Variants in SYT3 observed in about 807,000 individuals in gnomAD.
SYT3 encodes the protein synaptotagmin-3.
SYT3 carries 25 observed loss-of-function variants against 50.6 expected under a neutral mutation model. That is an observed-to-expected ratio of 0.49 (90% CI 0.36 to 0.69). SYT3 has a LOEUF of 0.69. SYT3 is among the 30% of genes least tolerant of loss of function. The pLI is 0.00. For missense variants in SYT3, 589 were observed against 793.6 expected, an observed-to-expected ratio of 0.74 and a Z score of 3.10; for synonymous variants, 323 against 353.9, an observed-to-expected ratio of 0.91 and a Z score of 0.98.
Position 50,632,237 on chromosome 19 carries a change from G to A in SYT3, c.674+49C>T. On this transcript the variant is annotated intron_variant, in intron 4 of 10. Coordinates refer to ENST00000600079, the MANE Select transcript of SYT3 (RefSeq NM_001160329.2). This position sits in a 1 kb window ranked among gnomAD's most constrained non-coding sequence, Gnocchi z 4.7. Reference sequence around the variant, plus strand: ...GCTATAGATAGGAAAGAGACACAGAGGAGGAGCAGAAGTTCAGAGTGGACC... The same window carrying A: ...GCTATAGATAGGAAAGAGACACAGAAGAGGAGCAGAAGTTCAGAGTGGACC... 2 of 1,504,288 alleles carry A rather than the reference G, an allele frequency of 1.3e-6. No homozygotes were observed. Among genetic ancestry groups the A allele is most frequent in the Non-Finnish European group, 8.9e-7 (1 of 1,120,460 alleles). The allele number at this position is 1,504,288 out of a possible 1,614,324, so 93.2% of individuals were successfully genotyped here.
chr19:50,641,722 T>C (rs3925176), upstream of SYT3, among the ~76,000 whole-genome samples: 5 of 152,152 alleles, frequency 3.3e-5, no homozygotes, highest in East Asian at 9.8e-4. Context: ...GATGCATGCC[T>C]GTAGTCCTAG....
chr19:50,625,787 T>TGC lies in SYT3; in HGVS notation c.1402+109_1402+110insGC. On this transcript the variant is annotated intron_variant, in intron 7 of 10. Transcript: ENST00000600079. This position sits in a 1 kb window ranked among gnomAD's most constrained non-coding sequence, Gnocchi z 7.5. ...CCTCCCTCAGACCCAGGAGTCCAGA[T>TGC]CCCCAGCTCCTCCTCCCTCAGACCC... The TGC allele has an allele frequency of 6.4e-5, 10 of 155,248 alleles. 3 individuals are homozygous for TGC. Among genetic ancestry groups the TGC allele is most frequent in the Non-Finnish European group, 9.6e-5 (7 of 72,732 alleles). The allele number at this position is 155,248 out of a possible 1,614,324, so 9.6% of individuals were successfully genotyped here.
the SYT3 span, chr19:50,657,907 A>C: frequency 7.0e-7 from 1 of 1,431,662 alleles, no homozygotes; most frequent in Non-Finnish European, 9.1e-7. Context: ...CAGGTTCTGC[A>C]GGTGGGGTCT....
chr19:50,649,617 A>C, the SYT3 span: 1 of 1,220,218 alleles, frequency 8.2e-7, no homozygotes, highest in South Asian at 1.3e-5. Flanking sequence ...GGCACTCCAA[A>C]GTGAAAGCCA....
chr19:50,626,322 C>G (rs1984060484), intron 6 of SYT3, among the ~76,000 whole-genome samples: 1 of 152,058 alleles, frequency 6.6e-6, no homozygotes, highest in South Asian at 2.1e-4. Context: ...TAGACTGAGA[C>G]AGAAGCCAAA....
At chr19:50,657,863 C>G in the SYT3 span, 1 of 1,275,140 alleles carries the variant, frequency 7.8e-7, no homozygotes. Context: ...TAAGAGCGAT[C>G]CTTGCCCCTC....
At chr19:50,649,532 G>A in the SYT3 span, 3 of 1,535,238 alleles carry the variant, frequency 2.0e-6, no homozygotes, top group African/African-American at 2.7e-5. Flanking sequence ...GTGTCTTTGG[G>A]GGAAGGGGTG....
the SYT3 span, among the ~76,000 whole-genome samples, chr19:50,654,799 A>G: frequency 2.0e-5 from 3 of 151,330 alleles, no homozygotes; most frequent in African/African-American, 7.3e-5. Context: ...CCAGATAATT[A>G]AAAATTTTTT....
chr19:50,630,863 C>T (rs1407405046), intron 4 of SYT3, among the ~76,000 whole-genome samples: 1 of 152,278 alleles, frequency 6.6e-6, no homozygotes, highest in Non-Finnish European at 1.5e-5. Context: ...CGCTCTTCTG[C>T]CCTTCTCTTA....
upstream of SYT3, among the ~76,000 whole-genome samples, chr19:50,641,473 C>T (rs905095659): frequency 3.3e-5 from 5 of 151,700 alleles, no homozygotes; most frequent in African/African-American, 1.2e-4. Flanking sequence ...CCGGCCTAGC[C>T]CAGGATTTTG....
At chr19:50,656,240 G>A in the SYT3 span, 18 of 1,536,070 alleles carry the variant, frequency 1.2e-5, no homozygotes, top group African/African-American at 9.6e-5. Context: ...CAGTACCTGC[G>A]GCAGGTCATT....
chr19:50,629,119 G>A (rs972404849), intron 6 of SYT3, among the ~76,000 whole-genome samples, 175 bp downstream of exon 6: 5 of 152,058 alleles, frequency 3.3e-5, no homozygotes, highest in African/African-American at 9.7e-5. Context: ...TACCGCGCCC[G>A]GCTCATTCTC....
the SYT3 span, among the ~76,000 whole-genome samples, chr19:50,655,855 G>T: frequency 6.6e-6 from 1 of 152,226 alleles, no homozygotes; most frequent in Non-Finnish European, 1.5e-5. Context: ...GAGAAATGTG[G>T]TTAGTAGAGT....
chr19:50,626,555 G>C (rs1266183359), intron 6 of SYT3, among the ~76,000 whole-genome samples: 2 of 136,602 alleles, frequency 1.5e-5, no homozygotes, highest in African/African-American at 5.7e-5. Flanking sequence ...AGAGAGAGGA[G>C]GACAGAAGCC....
rs1278568695 is a variant in SYT3, at chr19:50,625,898, T to C, written c.1401A>G (p.Ser467=). ...NLKAMDLTGF[S]DPYVKASLIS... ...CTCCCTCAGACCCAGGACCCTCACC[T>C]GAGAAGCCAGTGAGGTCCATCGCTT... Residue 467 remains serine, a splice_region_variant and synonymous_variant, in exon 7 of 11, where the codon TCA becomes TCG. Transcript: ENST00000600079. The surrounding 1 kb of genome is among the most constrained non-coding windows in gnomAD (Gnocchi z 7.5). The C allele has an allele frequency of 6.2e-7, 1 of 1,613,120 alleles. No individual in the cohort carries two copies. Among genetic ancestry groups the C allele is most frequent in the Non-Finnish European group, 8.5e-7 (1 of 1,179,634 alleles).
At chr19:50,626,803 CAG>C (rs376943852) in intron 6 of SYT3, among the ~76,000 whole-genome samples, 4 of 150,786 alleles carry the variant, frequency 2.7e-5, no homozygotes, top group South Asian at 2.1e-4. Flanking sequence ...GACAGAGGCC[CAG>C]AGAGAGAGAG....
At chr19:50,641,362 T>C (rs1439212703), upstream of SYT3, among the ~76,000 whole-genome samples, 2 of 150,070 alleles carry the variant, frequency 1.3e-5, no homozygotes, top group Non-Finnish European at 3.0e-5. Flanking sequence ...TTTGTATTTT[T>C]AGTAAAGACG....
the SYT3 span, among the ~76,000 whole-genome samples, chr19:50,656,896 G>C: frequency 6.6e-6 from 1 of 151,376 alleles, no homozygotes; most frequent in Non-Finnish European, 1.5e-5. Flanking sequence ...AGGTTGCAGT[G>C]AGCCGAGATC....
chr19:50,650,540 G>A, the SYT3 span, among the ~76,000 whole-genome samples: 90 of 152,202 alleles, frequency 5.9e-4, no homozygotes, highest in African/African-American at 2.1e-3. Flanking sequence ...GTGTGGTGCC[G>A]GGTGCCTGTA....
Sources: allele counts gnomAD v4.1 joint callset (sites outside exome capture counted in the v4.1 genomes callset), GRCh38; gene constraint gnomAD v4.1.1; non-coding constraint Gnocchi (gnomAD v3.1); transcripts MANE v1.5; gene names NCBI Gene and HGNC (gene_info 2026-07-23, HGNC 2026-07-21).